Variants in EPB41 observed in about 807,000 individuals in gnomAD.
EPB41 encodes the protein protein 4.1.
EPB41 carries 65 observed loss-of-function variants against 108.0 expected under a neutral mutation model. That is an observed-to-expected ratio of 0.60 (90% CI 0.49 to 0.74). The LOEUF (loss-of-function observed/expected upper bound fraction) is 0.74, where lower values mean the gene tolerates loss of function less well. Among genes scored for constraint, EPB41 ranks in the 30% least tolerant of loss-of-function variants. The pLI, the probability that EPB41 is intolerant of heterozygous loss-of-function variation, is 0.00. For synonymous variants in EPB41, 336 were observed against 358.9 expected, an observed-to-expected ratio of 0.94 and a Z score of 0.72; for missense variants, 875 against 1,037.0, an observed-to-expected ratio of 0.84 and a Z score of 2.15.
intron 11 of EPB41, 126 bp from the exon 12 acceptor site, chr1:29,052,978 G>C: frequency 9.8e-7 from 1 of 1,019,108 alleles, no homozygotes; most frequent in Admixed American, 2.0e-5. Flanking sequence ...CCCTCTGTGT[G>C]ATAGCCCACT....
chr1:29,060,269 G>A (rs985739559), intron 14 of EPB41, among the ~76,000 whole-genome samples, 153 bp from the exon 15 acceptor site: 10 of 152,142 alleles, frequency 6.6e-5, no homozygotes, highest in Non-Finnish European at 1.3e-4. Flanking sequence ...TTCTGTGTCC[G>A]TGTGACTCTC....
intron 7 of EPB41, among the ~76,000 whole-genome samples, chr1:29,029,654 C>T (rs149195409): frequency 6.6e-6 from 1 of 152,028 alleles, no homozygotes; most frequent in East Asian, 1.9e-4. Context: ...TTTCAAAAGA[C>T]GGGAAATTTA....
chr1:28,924,419 C>G (rs959704263), intron 1 of EPB41, among the ~76,000 whole-genome samples: 2 of 152,152 alleles, frequency 1.3e-5, no homozygotes, highest in Admixed American at 6.5e-5. Context: ...GTCCCAGCTA[C>G]TTGGGAGGTT....
chr1:29,006,872 C>T (rs2096413103), intron 4 of EPB41, among the ~76,000 whole-genome samples: 1 of 151,448 alleles, frequency 6.6e-6, no homozygotes, highest in Admixed American at 6.6e-5. Context: ...TGCACTCCTG[C>T]CTGGGTAACA....
intron 16 of EPB41, chr1:29,072,649 C>T (rs1055922594): frequency 2.0e-5 from 3 of 152,164 alleles, no homozygotes; most frequent in African/African-American, 7.2e-5. Context: ...GAGGCCATTT[C>T]TTCTATCAAT....
chr1:28,989,098 G>A (rs2095944112), intron 2 of EPB41, among the ~76,000 whole-genome samples: 1 of 152,174 alleles, frequency 6.6e-6, no homozygotes, highest in African/African-American at 2.4e-5. Context: ...GCCCTTTGAA[G>A]GTATGTGATA....
At chr1:29,046,543 G>A (rs1466591663) in intron 11 of EPB41, among the ~76,000 whole-genome samples, 1 of 151,996 alleles carries the variant, frequency 6.6e-6, no homozygotes, top group Non-Finnish European at 1.5e-5. Context: ...TTTCCATCTC[G>A]CATTTTTAAT....
At chr1:29,116,096 C>T (rs1280055033) in intron 20 of EPB41, among the ~76,000 whole-genome samples, 3 of 151,742 alleles carry the variant, frequency 2.0e-5, no homozygotes, top group Non-Finnish European at 4.4e-5. Flanking sequence ...AGATCCACTT[C>T]ACCTTCCCCC....
At chr1:28,922,539 C>G (rs1570631378) in intron 1 of EPB41, among the ~76,000 whole-genome samples, 1 of 151,784 alleles carries the variant, frequency 6.6e-6, no homozygotes, top group Non-Finnish European at 1.5e-5. Flanking sequence ...CACAAGCAGT[C>G]CTCCCACCTG....
At chr1:29,013,279 C>A (rs1035736843) in intron 5 of EPB41, among the ~76,000 whole-genome samples, 3 of 150,748 alleles carry the variant, frequency 2.0e-5, no homozygotes, top group Non-Finnish European at 4.4e-5. Flanking sequence ...GAGCCGAGAT[C>A]GCGCCACTGC....
intron 4 of EPB41, among the ~76,000 whole-genome samples, chr1:29,011,438 A>G (rs2096499484): frequency 6.6e-6 from 1 of 152,144 alleles, no homozygotes; most frequent in Non-Finnish European, 1.5e-5. Context: ...TAAAATGTGG[A>G]TGCTGTCAAT....
intron 2 of EPB41, chr1:28,989,289 C>T (rs2095949626): frequency 1.6e-6 from 1 of 611,816 alleles, no homozygotes; most frequent in Non-Finnish European, 2.0e-6. Context: ...GTTTATTTGT[C>T]CCAAAAAATG....
At chr1:29,058,782 T>C (rs1645995698) in intron 13 of EPB41, 29 bp from the exon 14 acceptor site, 3 of 1,538,214 alleles carry the variant, frequency 2.0e-6, no homozygotes, top group Non-Finnish European at 2.6e-6. Context: ...TTATCATTTT[T>C]CTTTCTTTTT....
chr1:28,989,453 T>C (rs1206972639), intron 2 of EPB41: 2 of 941,790 alleles, frequency 2.1e-6, no homozygotes, highest in Non-Finnish European at 2.5e-6. Context: ...CTTCTAGAAC[T>C]CTGACAGTGT....
chr1:29,112,300 C>T, intron 18 of EPB41, 68 bp from the exon 19 acceptor site: 1 of 1,355,764 alleles, frequency 7.4e-7, no homozygotes, highest in East Asian at 2.3e-5. Flanking sequence ...TAAACCTGGC[C>T]TCTTTTTCTT....
At chr1:29,046,132 AT>A (rs541581325) in intron 11 of EPB41, among the ~76,000 whole-genome samples, 57 of 149,528 alleles carry the variant, frequency 3.8e-4, no homozygotes, top group Admixed American at 6.0e-4. Flanking sequence ...ATTTAATTTT[AT>A]TTTTTTTTTG....
At chr1:28,930,570 C>T (rs565471947) in intron 1 of EPB41, among the ~76,000 whole-genome samples, 2 of 151,912 alleles carry the variant, frequency 1.3e-5, no homozygotes, top group East Asian at 1.9e-4. Flanking sequence ...CTGCAACCTC[C>T]GCCTCCCAGG....
At chr1:29,059,961 C>A (rs111959106) in intron 14 of EPB41, among the ~76,000 whole-genome samples, 65 of 152,162 alleles carry the variant, frequency 4.3e-4, no homozygotes, top group African/African-American at 1.5e-3. Context: ...GAGATCTAAT[C>A]TTTTATTAGA....
chr1:28,892,279 A>AGTT (rs2090201752), intron 1 of EPB41, among the ~76,000 whole-genome samples: 1 of 152,104 alleles, frequency 6.6e-6, no homozygotes, highest in African/African-American at 2.4e-5. Context: ...CTGTAATGAT[A>AGTT]GTAGCAAACG....
Sources: allele counts gnomAD v4.1 joint callset (sites outside exome capture counted in the v4.1 genomes callset), GRCh38; gene constraint gnomAD v4.1.1; transcripts MANE v1.5; gene names NCBI Gene and HGNC (gene_info 2026-07-23, HGNC 2026-07-21).